Variants in TXNDC5 observed in about 807,000 individuals in gnomAD.
The protein encoded by TXNDC5 is thioredoxin domain containing 5, also known as thioredoxin domain-containing protein 5.
Under a neutral mutation model 52.6 loss-of-function variants are expected in TXNDC5, and 44 were observed. That is an observed-to-expected ratio of 0.84 (90% CI 0.66 to 1.08). The LOEUF (loss-of-function observed/expected upper bound fraction) is 1.08. Ranked by LOEUF, TXNDC5 falls within the 50% of genes least tolerant of loss-of-function variation. The probability of loss-of-function intolerance (pLI) is 0.00; values close to 1 mark genes in which losing one functional copy is unlikely to be tolerated. For missense variants in TXNDC5, 600 were observed against 565.5 expected, an observed-to-expected ratio of 1.06 and a Z score of -0.62; for synonymous variants, 241 against 234.4, an observed-to-expected ratio of 1.03 and a Z score of -0.26.
At chr6:7,893,827 C>T (rs1046022989) in intron 4 of TXNDC5, among the ~76,000 whole-genome samples, 4 of 152,220 alleles carry the variant, frequency 2.6e-5, no homozygotes, top group Admixed American at 6.5e-5. Context: ...CCATTTCTCA[C>T]GTTTCCAACC....
In TXNDC5 at chr6:7,883,150, T is replaced by C. The variant is rs746579225; in HGVS notation, c.1293A>G (p.Glu431=). 7.4e-6 allele frequency: 12 copies of C among 1,614,012 alleles called. No homozygotes were observed. The highest frequency in any genetic ancestry group is 1.3e-5 in the African/African-American group (1 of 74,906). The change falls in exon 10 of 10, where the codon GAA becomes GAG. Residue 431 remains glutamate, a synonymous_variant. Transcript: ENST00000379757. ...GTGACCTCCAACTGTGTTCCTAAAG[T>C]TCGTCTTTCGCTTGGCTCAGGACAA... is the stretch of plus-strand genomic sequence containing the variant. The part of the protein sequence containing the change: ...HRFVLSQAKD[E]L
At chr6:7,883,674 TGA>T (rs945290772) in intron 9 of TXNDC5, among the ~76,000 whole-genome samples, 6 of 152,294 alleles carry the variant, frequency 3.9e-5, no homozygotes, top group African/African-American at 1.2e-4. Context: ...AAGATCCTCT[TGA>T]GGATACATGT....
At chr6:7,902,652 C>CG (rs558970543) in intron 2 of TXNDC5, among the ~76,000 whole-genome samples, 1 of 152,102 alleles carries the variant, frequency 6.6e-6, no homozygotes, top group Admixed American at 6.5e-5. Flanking sequence ...CCTGCATTCT[C>CG]GGGGGGAAAA....
At chr6:7,883,668 T>G (rs1759850784) in intron 9 of TXNDC5, among the ~76,000 whole-genome samples, 1 of 152,108 alleles carries the variant, frequency 6.6e-6, no homozygotes, top group South Asian at 2.1e-4. Flanking sequence ...GAGAGCAAGA[T>G]CCTCTTGAGG....
intron 6 of TXNDC5, 70 bp downstream of exon 6, chr6:7,889,425 A>G (rs1760116847): frequency 2.8e-6 from 4 of 1,421,084 alleles, no homozygotes; most frequent in Non-Finnish European, 3.9e-6. Context: ...TGCCCATTAA[A>G]CCACTCAGTA....
chr6:7,897,057 T>G (rs992483029), intron 3 of TXNDC5, among the ~76,000 whole-genome samples: 1 of 152,246 alleles, frequency 6.6e-6, no homozygotes, highest in Non-Finnish European at 1.5e-5. Flanking sequence ...ACTTGTTCCC[T>G]ACATCATTAC....
chr6:7,902,889 G>A (rs1760615298), intron 2 of TXNDC5, among the ~76,000 whole-genome samples: 1 of 152,156 alleles, frequency 6.6e-6, no homozygotes, highest in Non-Finnish European at 1.5e-5. Context: ...AATTTGTGAT[G>A]GTTTTTGGTG....
rs967076359 is a variant in TXNDC5, at chr6:7,897,689, C to T, written c.519+1887G>A. ...GCCCTTTCCAACCTGCAGGTGAGGC[C>T]GCCACCTCCACTAAGGGAAATGGGC... is the stretch of plus-strand genomic sequence containing the variant. On this transcript the variant is annotated intron_variant, in intron 3 of 9. Coordinates refer to ENST00000379757, the MANE Select transcript of TXNDC5 (RefSeq NM_030810.5). Among the ~76,000 whole-genome samples, 5 of 152,190 alleles carry T rather than the reference C, an allele frequency of 3.3e-5. No individual in the cohort carries two copies. In the East Asian group the frequency reaches 7.7e-4, roughly 24 times the overall value.
intron 1 of TXNDC5, chr6:7,909,872 C>T: frequency 1.0e-6 from 1 of 986,044 alleles, no homozygotes; most frequent in Non-Finnish European, 1.2e-6. Flanking sequence ...GCAGTCTGTC[C>T]CAGCCGACCC....
intron 2 of TXNDC5, among the ~76,000 whole-genome samples, chr6:7,901,361 G>A (rs1760561152): frequency 6.6e-6 from 1 of 152,202 alleles, no homozygotes; most frequent in South Asian, 2.1e-4. Context: ...AGGGAAATGG[G>A]TGGATCCTCA....
At chr6:7,906,560 A>C (rs1306964019) in intron 1 of TXNDC5, among the ~76,000 whole-genome samples, 1 of 150,640 alleles carries the variant, frequency 6.6e-6, no homozygotes, top group East Asian at 1.9e-4. Flanking sequence ...AAAAAAAAGA[A>C]AAACAGACTT....
chr6:7,887,528 C>T (rs1384994516), intron 7 of TXNDC5, among the ~76,000 whole-genome samples: 6 of 152,172 alleles, frequency 3.9e-5, no homozygotes, highest in Admixed American at 3.9e-4. Flanking sequence ...GGCTGGACTC[C>T]TTATGCTGGC....
intron 5 of TXNDC5, 56 bp from the exon 6 acceptor site, chr6:7,889,637 A>T: frequency 1.5e-6 from 2 of 1,376,522 alleles, no homozygotes; most frequent in Non-Finnish European, 2.1e-6. Context: ...CCTTCTTGCT[A>T]ATGGGGCTAC....
At chr6:7,894,863 A>G in intron 4 of TXNDC5, 1 of 985,444 alleles carries the variant, frequency 1.0e-6, no homozygotes, top group Non-Finnish European at 1.2e-6. Context: ...CTGTCCAGCT[A>G]GTGTGCGGGT....
At position 7,910,689 on chromosome 6, in the gene TXNDC5, C is replaced by A; in HGVS notation, c.88G>T (p.Gly30Cys). 1.8e-6 allele frequency: 2 copies of A among 1,110,770 alleles called. No individual in the cohort carries two copies. The highest frequency in any genetic ancestry group is 4.0e-5 in the South Asian group (1 of 24,732). The allele number at this position is 1,110,770 out of a possible 1,614,324, so 68.8% of individuals were successfully genotyped here. A position where few individuals can be genotyped will look rare whatever the true frequency, so the allele number is the denominator to read the frequency against. The change falls in exon 1 of 10, where the codon GGC (glycine) becomes TGC (cysteine). Residue 30 changes from glycine (G) to cysteine (C), a missense_variant. Gly to Cys is a radical substitution (Grantham distance 159). Coordinates refer to ENST00000379757, the MANE Select transcript of TXNDC5 (RefSeq NM_030810.5). The stretch of plus-strand genomic sequence containing the variant: ...GCCCGGGCGCCCCAGCGCCCGCCGC[C>A]GCCATGGCCCAGCAGCAGCAGCAGC... ...ALLLLLLGHGGGGRWGARAQE... is the reference protein window; with the variant it reads ...ALLLLLLGHGCGGRWGARAQE...
In TXNDC5 at chr6:7,882,611, G is replaced by A. The variant is rs1008506107; in HGVS notation, c.*533C>T. ...CAACAGAAGCTCCAGCAGCGGCCGT[G>A]AAGGTATCTTCCAGAGGTGTGGGTT... On this transcript the variant is annotated 3_prime_UTR_variant, in exon 10 of 10. Transcript: ENST00000379757. 1 of 153,604 alleles carries A rather than the reference G, an allele frequency of 6.5e-6. No individual in the cohort carries two copies. The highest frequency in any genetic ancestry group is 2.0e-4 in the South Asian group (1 of 4,882). 9.5% of individuals were successfully genotyped at this position (153,604 alleles called of 1,614,324 possible). A position where few individuals can be genotyped will look rare whatever the true frequency, so the allele number is the denominator to read the frequency against.
At chr6:7,909,342 G>C (rs1760834113) in intron 1 of TXNDC5, among the ~76,000 whole-genome samples, 1 of 152,142 alleles carries the variant, frequency 6.6e-6, no homozygotes, top group South Asian at 2.1e-4. Flanking sequence ...ACCTCTCAAA[G>C]GTCTTGTGTC....
rs1760719497 is a variant in TXNDC5 at position 7,906,103 on chromosome 6, T to C, written c.264-1380A>G. 4.0e-5 allele frequency among the ~76,000 whole-genome samples: 6 copies of C among 148,162 alleles called. No individual in the cohort carries two copies. In the South Asian group the frequency reaches 1.2e-3, roughly 31 times the overall value. ...AAAATTTTAAAAAATTAGCCTGGTGTGGTGGCACACACCTGCAGTCCTAGC... is the reference window on the plus strand; with the variant it reads ...AAAATTTTAAAAAATTAGCCTGGTGCGGTGGCACACACCTGCAGTCCTAGC... On this transcript the variant is annotated intron_variant, in intron 1 of 9. Transcript: ENST00000379757.
At chr6:7,885,397 G>A (rs1759930248) in intron 8 of TXNDC5, among the ~76,000 whole-genome samples, 1 of 152,206 alleles carries the variant, frequency 6.6e-6, no homozygotes, top group African/African-American at 2.4e-5. Flanking sequence ...TTCACGGTAA[G>A]TCTTAGAACC....
Sources: gnomAD v4.1 joint callset for allele counts (sites outside exome capture counted in the v4.1 genomes callset) on GRCh38, gnomAD v4.1.1 for gene constraint, MANE v1.5 for transcripts, NCBI Gene and HGNC (gene_info 2026-07-23, HGNC 2026-07-21) for gene names.